PCMTD2: variants seen among roughly 807,000 people sequenced by gnomAD.
PCMTD2 encodes the protein protein-L-isoaspartate (D-aspartate) O-methyltransferase domain containing 2, also known as protein-L-isoaspartate O-methyltransferase domain-containing protein 2.
A neutral mutation model predicts 33.4 loss-of-function variants in PCMTD2; 16 were observed. That is an observed-to-expected ratio of 0.48 (90% CI 0.32 to 0.73). The LOEUF (loss-of-function observed/expected upper bound fraction) is 0.73, where lower values mean the gene tolerates loss of function less well. Among genes scored for constraint, PCMTD2 ranks in the 30% least tolerant of loss-of-function variants. PCMTD2 has a pLI of 0.03. For missense variants in PCMTD2, 374 were observed against 449.9 expected (o/e 0.83, Z 1.53); for synonymous variants, 161 against 160.8 (o/e 1.00, Z -0.01).
In PCMTD2 at chr20:64,274,347, A is replaced by G. The variant is rs2145771976; in HGVS notation, c.*747A>G. 1 of 149,542 alleles carries G rather than the reference A, an allele frequency of 6.7e-6. No individual in the cohort carries two copies. The highest frequency in any genetic ancestry group is 2.0e-4 in the East Asian group (1 of 5,122). 9.3% of individuals were successfully genotyped at this position (149,542 alleles called of 1,614,324 possible). On this transcript the variant is annotated 3_prime_UTR_variant, in exon 6 of 6. Coordinates refer to ENST00000308824, the MANE Select transcript of PCMTD2 (RefSeq NM_018257.3). ...ATCTTTTGATACCTTTAAAAGAACC[A>G]CTGTCAAGTAATCCTTAAAAGAATA... is the stretch of plus-strand genomic sequence containing the variant.
At position 64,260,016 on chromosome 20, in the gene PCMTD2, T is replaced by A; in HGVS notation, c.51T>A (p.Asn17Lys). The A allele has an allele frequency of 6.2e-7, 1 of 1,613,426 alleles. No homozygotes were observed. The highest frequency in any genetic ancestry group is 8.5e-7 in the Non-Finnish European group (1 of 1,179,358). Residue 17 changes from asparagine to lysine, a missense_variant, in exon 2 of 6, where the codon AAT becomes AAA. Coordinates refer to ENST00000308824, the MANE Select transcript of PCMTD2 (RefSeq NM_018257.3). ...AGEDNDELID[N>K]LKEAQYIRTE... Reference sequence around the variant, plus strand: ...AAGACAATGATGAGCTGATAGATAATTTGAAAGAAGCACAGTATATCCGGA... The same window carrying A: ...AAGACAATGATGAGCTGATAGATAAATTGAAAGAAGCACAGTATATCCGGA...
At position 64,275,419 on chromosome 20, in the gene PCMTD2, T is replaced by C. The variant is rs1000250389; in HGVS notation, c.*1819T>C. ...CTAATGTTTTTTCTATAATTGTATA[T>C]GGACTGCATTTTTAAAAAAACCGCA... On this transcript the variant is annotated 3_prime_UTR_variant, in exon 6 of 6. Transcript: ENST00000308824. 6.6e-6 allele frequency: 1 copy of C among 152,216 alleles called. No individual in the cohort carries two copies. Among genetic ancestry groups the C allele is most frequent in the Admixed American group, 6.5e-5 (1 of 15,284 alleles). The allele number at this position is 152,216 out of a possible 1,614,324, so 9.4% of individuals were successfully genotyped here.
chr20:64,266,361 G>T (rs1209877199), intron 4 of PCMTD2, among the ~76,000 whole-genome samples: 1 of 152,126 alleles, frequency 6.6e-6, no homozygotes, highest in Non-Finnish European at 1.5e-5. Flanking sequence ...GGGTTCAAGC[G>T]ATTCTTCTGC....
chr20:64,268,142 T>TATGTG, intron 5 of PCMTD2, 132 bp downstream of exon 5: 1 of 405,140 alleles, frequency 2.5e-6, no homozygotes, highest in African/African-American at 2.6e-5. Context: ...ACTGTAAAAT[T>TATGTG]CTACAAGCAA....
At chr20:64,272,541 G>A (rs759438158) in intron 5 of PCMTD2, among the ~76,000 whole-genome samples, 3 of 152,206 alleles carry the variant, frequency 2.0e-5, no homozygotes, top group Non-Finnish European at 4.4e-5. Flanking sequence ...ATATTAGGCC[G>A]GGCACAGTGG....
intron 2 of PCMTD2, among the ~76,000 whole-genome samples, chr20:64,263,997 T>G (rs763513692): frequency 1.3e-5 from 2 of 152,236 alleles, no homozygotes; most frequent in Non-Finnish European, 2.9e-5. Context: ...CATTGTGACT[T>G]GGAAGCATAG....
chr20:64,259,928 AT>A lies in PCMTD2; in HGVS notation c.-24-9del. 2 of 1,407,200 alleles carry A rather than the reference AT, an allele frequency of 1.4e-6. No homozygotes were observed. Among genetic ancestry groups the A allele is most frequent in the Non-Finnish European group, 2.0e-6 (2 of 1,006,252 alleles). 87.2% of individuals were successfully genotyped at this position (1,407,200 alleles called of 1,614,324 possible). A position where few individuals can be genotyped will look rare whatever the true frequency, so the allele number is the denominator to read the frequency against. On this transcript the variant is annotated splice_polypyrimidine_tract_variant and intron_variant, in intron 1 of 5. Coordinates refer to ENST00000308824, the MANE Select transcript of PCMTD2 (RefSeq NM_018257.3). ...TTAACATAAATCGCTCTTTTTAAAC[AT>A]TTTTAATTATAGTATTGCCTAAGTG...
intron 5 of PCMTD2, among the ~76,000 whole-genome samples, chr20:64,268,424 C>T (rs566592704): frequency 5.3e-4 from 81 of 152,162 alleles, no homozygotes; most frequent in Non-Finnish European, 1.1e-3. Context: ...CATGGGTAGA[C>T]AAGGTTAGAG....
chr20:64,264,825 G>T (rs747927856), intron 3 of PCMTD2, among the ~76,000 whole-genome samples: 7 of 152,192 alleles, frequency 4.6e-5, no homozygotes, highest in Non-Finnish European at 8.8e-5. Context: ...TCTCTAAACA[G>T]TATATGTAAC....
chr20:64,260,314 G>A, intron 2 of PCMTD2, 42 bp downstream of exon 2: 1 of 1,393,030 alleles, frequency 7.2e-7, no homozygotes, highest in Non-Finnish European at 1.0e-6. Context: ...CTGTCTCAGG[G>A]AAGGAGGCAT....
intron 4 of PCMTD2, among the ~76,000 whole-genome samples, chr20:64,266,327 A>G (rs1168707183): frequency 4.6e-5 from 7 of 152,110 alleles, no homozygotes; most frequent in Non-Finnish European, 5.9e-5. Context: ...GCGCGATCTC[A>G]GCTTAGTGCA....
At chr20:64,268,838 C>G (rs1214335547) in intron 5 of PCMTD2, among the ~76,000 whole-genome samples, 3 of 152,036 alleles carry the variant, frequency 2.0e-5, no homozygotes, top group Non-Finnish European at 4.4e-5. Context: ...GCTTTGGTCT[C>G]TACTAAGTAC....
In PCMTD2 at chr20:64,273,308, G is replaced by A; in HGVS notation, c.794G>A (p.Ser265Asn). Residue 265 changes from serine to asparagine, a missense_variant, in exon 6 of 6, where the codon AGC (serine) becomes AAC (asparagine). By Grantham distance (46) the Ser-to-Asn change is conservative. Transcript: ENST00000308824. The stretch of plus-strand genomic sequence containing the variant: ...AAGATTATTCATCAGGAAACTGTGA[G>A]CAAAAACGGAAACGGACTAAAGAAC... ...IKKIIHQETV[S>N]KNGNGLKNTP... is the part of the protein sequence containing the mutation. 1 of 1,614,142 alleles carries A rather than the reference G, an allele frequency of 6.2e-7. No homozygotes were observed. Among genetic ancestry groups the A allele is most frequent in the Non-Finnish European group, 8.5e-7 (1 of 1,179,980 alleles).
In PCMTD2 at chr20:64,264,478, G is replaced by C; in HGVS notation, c.357G>C (p.Glu119Asp). The C allele has an allele frequency of 6.2e-7, 1 of 1,608,058 alleles. No homozygotes were observed. The highest frequency in any genetic ancestry group is 8.5e-7 in the Non-Finnish European group (1 of 1,174,554). ...HGVELHSDVI[E>D]YAKQKLDFFI... ...TGGAACTTCACTCAGATGTGATAGA[G>C]TATGCAAAGCAGAAACTGGACTTCT... Residue 119 changes from glutamate (E) to aspartate (D), a missense_variant, in exon 3 of 6, where the codon GAG (glutamate) becomes GAC (aspartate). Coordinates refer to ENST00000308824, the MANE Select transcript of PCMTD2 (RefSeq NM_018257.3).
intron 1 of PCMTD2, among the ~76,000 whole-genome samples, chr20:64,259,386 C>CTT (rs3076992): frequency 2.7e-4 from 32 of 118,686 alleles, no homozygotes; most frequent in East Asian, 8.7e-4. Context: ...TTTCTTTTCT[C>CTT]TTTTTTTTTT....
Position 64,260,190 on chromosome 20 carries a change from C to G in PCMTD2, c.225C>G (p.Ala75=), listed in dbSNP as rs181301536. ...GCATCTACTCGGAGGTGATGGAAGC[C>G]CTAGATCTGCAGCCTGGACTCTCGT... is the stretch of plus-strand genomic sequence containing the variant. ...APCIYSEVME[A]LDLQPGLSFL... is the part of the protein sequence containing the mutation. The change falls in exon 2 of 6, where the codon GCC becomes GCG. Residue 75 remains alanine (A), a synonymous_variant. Coordinates refer to ENST00000308824, the MANE Select transcript of PCMTD2 (RefSeq NM_018257.3). 1 of 1,613,608 alleles carries G rather than the reference C, an allele frequency of 6.2e-7. No individual in the cohort carries two copies. The highest frequency in any genetic ancestry group is 8.5e-7 in the Non-Finnish European group (1 of 1,179,550).
rs1366409075 is a variant in PCMTD2 at position 64,255,842 on chromosome 20, C to G, written c.-53C>G. The stretch of plus-strand genomic sequence containing the variant: ...AGCTGCAGGTGGCAGCCCAGGCGGT[C>G]CGAACCCGTCGGCCGGCCGAGCCTG... On this transcript the variant is annotated 5_prime_UTR_variant, in exon 1 of 6. Coordinates refer to ENST00000308824, the MANE Select transcript of PCMTD2 (RefSeq NM_018257.3). The G allele has an allele frequency of 1.3e-5, 2 of 155,794 alleles. No individual in the cohort carries two copies. The highest frequency in any genetic ancestry group is 2.8e-5 in the Non-Finnish European group (2 of 71,158). The allele number at this position is 155,794 out of a possible 1,614,324, so 9.7% of individuals were successfully genotyped here.
rs1985615927 is a variant in PCMTD2 at position 64,265,424 on chromosome 20, GAGA to G, written c.580_582del (p.Lys194del). 1 of 1,609,504 alleles carries G rather than the reference GAGA, an allele frequency of 6.2e-7. No individual in the cohort carries two copies. The highest frequency in any genetic ancestry group is 1.7e-4 in the Middle Eastern group (1 of 5,886). The stretch of plus-strand genomic sequence containing the variant: ...AGGGATCCTTGTCATGCCACTGGAA[GAGA>G]AGGTCAGATTCCCTTCATAACTGAC... On this transcript the variant is annotated inframe_deletion and splice_region_variant, in exon 4 of 6. Transcript: ENST00000308824.
At chr20:64,269,260 C>T (rs934049495) in intron 5 of PCMTD2, among the ~76,000 whole-genome samples, 5 of 152,176 alleles carry the variant, frequency 3.3e-5, no homozygotes, top group Non-Finnish European at 5.9e-5. Flanking sequence ...AAGTAACTGC[C>T]GCCCTTGGCG....
Sources: allele counts gnomAD v4.1 joint callset (sites outside exome capture counted in the v4.1 genomes callset), GRCh38; gene constraint gnomAD v4.1.1; transcripts MANE v1.5; gene names NCBI Gene and HGNC (gene_info 2026-07-23, HGNC 2026-07-21).